ZNF749: variants seen among roughly 807,000 people sequenced by gnomAD.
ZNF749 encodes zinc finger protein 749.
ZNF749 carries 8 observed loss-of-function variants against 7.3 expected under a neutral mutation model. The ratio of observed to expected loss-of-function variants is 1.10; its 90% confidence interval spans 0.64 to 1.98. ZNF749 has a LOEUF of 1.98. ZNF749 is among the 30% of genes most tolerant of loss of function. ZNF749 has a pLI of 0.00. For missense variants in ZNF749, 898 were observed against 932.4 expected (o/e 0.96, Z 0.48); for synonymous variants, 310 against 322.4 (o/e 0.96, Z 0.41).
At chr19:57,435,218 C>A (rs1388438190), upstream of ZNF749, 1 of 401,026 alleles carries the variant, frequency 2.5e-6, no homozygotes, top group South Asian at 2.9e-5. Context: ...ACACAGGCAG[C>A]AACGTGAGAA....
rs771288971 is a variant in ZNF749 at position 57,444,369 on chromosome 19, A to G, written c.1221A>G (p.Lys407=). Residue 407 remains lysine, a synonymous_variant, in exon 3 of 3, where the codon AAA becomes AAG. Transcript: ENST00000334181. ...LNMHQRVHAG[K]RLYKCSECGK... ...TGCACCAGAGAGTTCATGCTGGCAAAAGGCTTTATAAGTGTAGCGAATGTG... is the reference window on the plus strand; with the variant it reads ...TGCACCAGAGAGTTCATGCTGGCAAGAGGCTTTATAAGTGTAGCGAATGTG... 1 of 1,614,118 alleles carries G rather than the reference A, an allele frequency of 6.2e-7. No homozygotes were observed. Among genetic ancestry groups the G allele is most frequent in the Admixed American group, 1.7e-5 (1 of 60,024 alleles).
At chr19:57,443,195 CCCT>C in intron 2 of ZNF749, 93 bp from the exon 3 acceptor site, 1 of 1,063,470 alleles carries the variant, frequency 9.4e-7, no homozygotes, top group Non-Finnish European at 1.4e-6. Flanking sequence ...CAGTCCTGTG[CCCT>C]CATTTGTGGG....
rs1020909071 is a variant in ZNF749, at chr19:57,436,972, A to G, written c.15+1379A>G. Among the ~76,000 whole-genome samples the G allele has an allele frequency of 6.6e-6, 1 of 152,236 alleles. No homozygotes were observed. The highest frequency in any genetic ancestry group is 2.4e-5 in the African/African-American group (1 of 41,460). On this transcript the variant is annotated intron_variant, in intron 1 of 2. Transcript: ENST00000334181. The surrounding 1 kb of genome is among the most constrained non-coding windows in gnomAD (Gnocchi z 4.0). ...CAAGTTGTCCTGAATATACACTTCA[A>G]TTACCACAGTGACAAGTGTTTGCTT...
Position 57,444,067 on chromosome 19 carries a change from T to G in ZNF749, c.919T>G (p.Phe307Val), listed in dbSNP as rs1568546952. Residue 307 changes from phenylalanine to valine, a missense_variant, in exon 3 of 3, where the codon TTT becomes GTT. By Grantham distance (50) the Phe-to-Val change is conservative. Transcript: ENST00000334181. The part of the protein sequence containing the change: ...PYECTQCGKA[F>V]LTQAHLVGHQ... ...TGAATGCACCCAGTGTGGGAAGGCC[T>G]TTCTTACACAGGCTCATCTGGTTGG... 1.2e-6 allele frequency: 2 copies of G among 1,614,020 alleles called. No homozygotes were observed. The highest frequency in any genetic ancestry group is 2.2e-5 in the South Asian group (2 of 91,080).
chr19:57,443,800 C>A lies in ZNF749; in HGVS notation c.652C>A (p.His218Asn), dbSNP rs1024284211. The A allele has an allele frequency of 1.2e-6, 2 of 1,614,070 alleles. No individual in the cohort carries two copies. The highest frequency in any genetic ancestry group is 1.3e-5 in the African/African-American group (1 of 74,930). The change falls in exon 3 of 3, where the codon CAT becomes AAT. Residue 218 changes from histidine (H) to asparagine (N), a missense_variant. Transcript: ENST00000334181. Reference sequence around the variant, plus strand: ...TGGGCTGTTTGAGCACCAAAAAACCCATAATGGGGAGAGGCCTTATGAGTT... The same window carrying A: ...TGGGCTGTTTGAGCACCAAAAAACCAATAATGGGGAGAGGCCTTATGAGTT... ...QHGLFEHQKT[H>N]NGERPYEFSE...
At position 57,442,004 on chromosome 19, in the gene ZNF749, A is replaced by T. The variant is rs780902692; in HGVS notation, c.135A>T (p.Ser45=). 2 of 1,614,024 alleles carry T rather than the reference A, an allele frequency of 1.2e-6. No individual in the cohort carries two copies. Among genetic ancestry groups the T allele is most frequent in the Admixed American group, 1.7e-5 (1 of 60,004 alleles). The stretch of plus-strand genomic sequence containing the variant: ...TGTTGGAGAACTTTGCGCTTTTGTC[A>T]TCAGTAGGTAAGGCCTTCATACCTA... ...NVMLENFALL[S]SVGCWHGAKD... Residue 45 remains serine (S), a synonymous_variant, in exon 2 of 3, where the codon TCA becomes TCT. Coordinates refer to ENST00000334181, the MANE Select transcript of ZNF749 (RefSeq NM_001023561.4). This position sits in a 1 kb window ranked among gnomAD's most constrained non-coding sequence, Gnocchi z 6.6.
Position 57,442,111 on chromosome 19 carries a change from A to G in ZNF749, c.142+100A>G, listed in dbSNP as rs1312658265. The G allele has an allele frequency of 2.0e-6, 3 of 1,491,740 alleles. No individual in the cohort carries two copies. The highest frequency in any genetic ancestry group is 1.8e-6 in the Non-Finnish European group (2 of 1,095,152). The allele number at this position is 1,491,740 out of a possible 1,614,324, so 92.4% of individuals were successfully genotyped here. On this transcript the variant is annotated intron_variant, in intron 2 of 2. Coordinates refer to ENST00000334181, the MANE Select transcript of ZNF749 (RefSeq NM_001023561.4). This position sits in a 1 kb window ranked among gnomAD's most constrained non-coding sequence, Gnocchi z 6.6. ...TTTCCCACACCAGATTGTGAGTGCT[A>G]CGTCCTGTCCTCTCCTGGTTTCCTG... is the stretch of plus-strand genomic sequence containing the variant.
chr19:57,443,236 C>A, intron 2 of ZNF749, 55 bp from the exon 3 acceptor site: 1 of 1,456,528 alleles, frequency 6.9e-7, no homozygotes, highest in Non-Finnish European at 9.4e-7. Context: ...TGTGATGGGG[C>A]TGTCTCCTCC....
At chr19:57,434,259 G>A (rs1201300521), upstream of ZNF749, among the ~76,000 whole-genome samples, 3 of 152,110 alleles carry the variant, frequency 2.0e-5, no homozygotes, top group African/African-American at 7.2e-5. Context: ...CACCATGCCC[G>A]TCTAATTTTG....
chr19:57,445,113 CATT>C lies in ZNF749; in HGVS notation c.1969_1971del (p.Ile657del), dbSNP rs747295562. The C allele has an allele frequency of 2.4e-5, 39 of 1,613,516 alleles. No homozygotes were observed. The highest frequency in any genetic ancestry group is 3.1e-5 in the Non-Finnish European group (37 of 1,179,912). ...AATTTTTTAGAGATAGCTACAAACTCATTATTCATCAGAGAGTTCATACTGGAG... is the reference window on the plus strand; with the variant it reads ...AATTTTTTAGAGATAGCTACAAACTCATTCATCAGAGAGTTCATACTGGAG... On this transcript the variant is annotated inframe_deletion, in exon 3 of 3. Transcript: ENST00000334181.
Position 57,446,978 on chromosome 19 carries a change from T to C in ZNF749, c.*1493T>C, listed in dbSNP as rs2123114706. 6.6e-6 allele frequency among the ~76,000 whole-genome samples: 1 copy of C among 152,300 alleles called. No individual in the cohort carries two copies. The highest frequency in any genetic ancestry group is 3.4e-3 in the Middle Eastern group (1 of 294). On this transcript the variant is annotated 3_prime_UTR_variant, in exon 3 of 3. Transcript: ENST00000334181. ...CCTCTGGTTGAGTCAGGGAGTGAGT[T>C]GTGAGTGAATGTGAAGCTCTAGGAC... is the stretch of plus-strand genomic sequence containing the variant.
chr19:57,431,437 T>C (rs568434033), upstream of ZNF749, among the ~76,000 whole-genome samples: 7 of 152,262 alleles, frequency 4.6e-5, no homozygotes, highest in Admixed American at 2.6e-4. Context: ...TCAGAGTACA[T>C]ATAACATGCA....
rs934180616 is a variant in ZNF749 at position 57,439,002 on chromosome 19, C to T, written c.16-2883C>T. Among the ~76,000 whole-genome samples the T allele has an allele frequency of 2.0e-5, 3 of 152,188 alleles. No individual in the cohort carries two copies. The highest frequency in any genetic ancestry group is 1.9e-4 in the East Asian group (1 of 5,180). ...AGGAGGTTGGGGCATACAGGGCATG[C>T]GGGATCGGCATGGAATGGCAGTCTA... On this transcript the variant is annotated intron_variant, in intron 1 of 2. Coordinates refer to ENST00000334181, the MANE Select transcript of ZNF749 (RefSeq NM_001023561.4). This position sits in a 1 kb window ranked among gnomAD's most constrained non-coding sequence, Gnocchi z 4.3.
intron 1 of ZNF749, among the ~76,000 whole-genome samples, chr19:57,441,529 A>G (rs1480938649): frequency 4.6e-5 from 7 of 152,178 alleles, no homozygotes; most frequent in Non-Finnish European, 1.0e-4. Context: ...AGGCAGAGGC[A>G]TGACTGAAGG....
Position 57,435,506 on chromosome 19 carries a change from G to A in ZNF749, c.-73G>A, listed in dbSNP as rs1286067436. ...GGCTGAGTCGGCTGCAGGCGCCCCTGCCTCCGTCAGCGTCCAGGTGACCGC... is the reference window on the plus strand; with the variant it reads ...GGCTGAGTCGGCTGCAGGCGCCCCTACCTCCGTCAGCGTCCAGGTGACCGC... On this transcript the variant is annotated 5_prime_UTR_variant, in exon 1 of 3. Coordinates refer to ENST00000334181, the MANE Select transcript of ZNF749 (RefSeq NM_001023561.4). 4 of 1,555,088 alleles carry A rather than the reference G, an allele frequency of 2.6e-6. No individual in the cohort carries two copies. The highest frequency in any genetic ancestry group is 3.5e-6 in the Non-Finnish European group (4 of 1,152,842).
Position 57,446,695 on chromosome 19 carries a change from T to G in ZNF749, c.*1210T>G, listed in dbSNP as rs565497221. On this transcript the variant is annotated 3_prime_UTR_variant, in exon 3 of 3. Transcript: ENST00000334181. ...TAATCATCTTAAGGTGATTTTGTCA[T>G]TGTGTGAACAAAGAGTGTACTTACA... 6.6e-6 allele frequency among the ~76,000 whole-genome samples: 1 copy of G among 152,326 alleles called. No homozygotes were observed. Among genetic ancestry groups the G allele is most frequent in the East Asian group, 1.9e-4 (1 of 5,184 alleles).
Position 57,442,053 on chromosome 19 carries a change from T to A in ZNF749, c.142+42T>A. Reference sequence around the variant, plus strand: ...TACTCTGGTGTCTTGTGCTGGGTGCTGTTTTTTTGCTCTTTTCCATGACAA... The same window carrying A: ...TACTCTGGTGTCTTGTGCTGGGTGCAGTTTTTTTGCTCTTTTCCATGACAA... On this transcript the variant is annotated intron_variant, in intron 2 of 2. Coordinates refer to ENST00000334181, the MANE Select transcript of ZNF749 (RefSeq NM_001023561.4). The surrounding 1 kb of genome is among the most constrained non-coding windows in gnomAD (Gnocchi z 6.6). 1.3e-6 allele frequency: 2 copies of A among 1,599,170 alleles called. No individual in the cohort carries two copies. The highest frequency in any genetic ancestry group is 1.7e-6 in the Non-Finnish European group (2 of 1,172,334).
Position 57,445,165 on chromosome 19 carries a change from T to G in ZNF749, c.2017T>G (p.Cys673Gly), listed in dbSNP as rs757938332. The G allele has an allele frequency of 1.2e-6, 2 of 1,614,122 alleles. No homozygotes were observed. The highest frequency in any genetic ancestry group is 4.5e-5 in the East Asian group (2 of 44,868). ...TGEKPYECSN[C>G]GKFLRYRSTF... Reference sequence around the variant, plus strand: ...AGAAAAGCCTTATGAATGCAGCAACTGTGGGAAGTTTCTTAGATACCGCTC... The same window carrying G: ...AGAAAAGCCTTATGAATGCAGCAACGGTGGGAAGTTTCTTAGATACCGCTC... The change falls in exon 3 of 3, where the codon TGT (cysteine) becomes GGT (glycine). Residue 673 changes from cysteine (C) to glycine (G), a missense_variant. Cys to Gly is a radical substitution (Grantham distance 159, BLOSUM62 -3). Coordinates refer to ENST00000334181, the MANE Select transcript of ZNF749 (RefSeq NM_001023561.4).
Position 57,444,727 on chromosome 19 carries a change from G to A in ZNF749, c.1579G>A (p.Val527Ile). The A allele has an allele frequency of 6.2e-7, 1 of 1,613,408 alleles. No homozygotes were observed. The highest frequency in any genetic ancestry group is 8.5e-7 in the Non-Finnish European group (1 of 1,179,808). ...AKAFVRKSHL[V>I]QHEKIHTDAF... ...GGCCTTTGTTAGAAAGTCCCACCTA[G>A]TTCAGCATGAGAAAATCCACACTGA... The change falls in exon 3 of 3, where the codon GTT (valine) becomes ATT (isoleucine). Residue 527 changes from valine to isoleucine, a missense_variant. Val to Ile is a conservative substitution (Grantham distance 29). Coordinates refer to ENST00000334181, the MANE Select transcript of ZNF749 (RefSeq NM_001023561.4).
Sources: allele counts gnomAD v4.1 joint callset (sites outside exome capture counted in the v4.1 genomes callset), GRCh38; gene constraint gnomAD v4.1.1; non-coding constraint Gnocchi (gnomAD v3.1); transcripts MANE v1.5; gene names NCBI Gene and HGNC (gene_info 2026-07-23, HGNC 2026-07-21).